The following PRUNE2 variants were observed in gnomAD, a reference collection of about 807,000 sequenced individuals.
PRUNE2 encodes protein prune homolog 2.
A neutral mutation model predicts 252.0 loss-of-function variants in PRUNE2; 164 were observed. That is an observed-to-expected ratio of 0.65 (90% CI 0.57 to 0.74). The LOEUF is 0.74. Among genes scored for constraint, PRUNE2 ranks in the 30% least tolerant of loss-of-function variants. PRUNE2 has a pLI of 0.00. For synonymous variants in PRUNE2, 1,292 were observed against 1,350.2 expected, an observed-to-expected ratio of 0.96 and a Z score of 0.94; for missense variants, 3,495 against 3,711.0, an observed-to-expected ratio of 0.94 and a Z score of 1.51.
At position 76,711,373 on chromosome 9, in the gene PRUNE2, A is replaced by G; in HGVS notation, c.916-15T>C. 1 of 1,586,336 alleles carries G rather than the reference A, an allele frequency of 6.3e-7. No homozygotes were observed. The highest frequency in any genetic ancestry group is 8.6e-7 in the Non-Finnish European group (1 of 1,162,568). ...TCACAGCAAATCTGTCGGAAGGCAC[A>G]GGAATTTGTGTCAGCACTCAAGCAC... is the stretch of plus-strand genomic sequence containing the variant. On this transcript the variant is annotated splice_polypyrimidine_tract_variant and intron_variant, in intron 7 of 18. Transcript: ENST00000376718.
intron 5 of PRUNE2, 44 bp from the exon 6 acceptor site, chr9:76,823,770 ATT>A: frequency 4.5e-6 from 5 of 1,114,636 alleles, no homozygotes; most frequent in African/African-American, 1.6e-5. Flanking sequence ...TACTTGAGGG[ATT>A]TTTTTTTTGT....
intron 4 of PRUNE2, among the ~76,000 whole-genome samples, chr9:76,840,038 G>A (rs778394682): frequency 1.1e-4 from 17 of 152,372 alleles, no homozygotes; most frequent in Middle Eastern, 3.4e-3. Context: ...AAGATGTAAC[G>A]TGGGCTTGGA....
At chr9:76,721,107 T>A (rs1380609093) in intron 6 of PRUNE2, among the ~76,000 whole-genome samples, 2 of 152,172 alleles carry the variant, frequency 1.3e-5, no homozygotes, top group African/African-American at 4.8e-5. Flanking sequence ...GTCTAAAAGA[T>A]GTAAGGTATA....
chr9:76,735,661 G>T (rs2049012871), intron 6 of PRUNE2, among the ~76,000 whole-genome samples: 1 of 152,036 alleles, frequency 6.6e-6, no homozygotes, highest in Non-Finnish European at 1.5e-5. Flanking sequence ...CATATGCAAA[G>T]AATCAAAACT....
chr9:76,853,835 C>G (rs116103618), intron 2 of PRUNE2, among the ~76,000 whole-genome samples: 1 of 152,116 alleles, frequency 6.6e-6, no homozygotes, highest in Admixed American at 6.5e-5. Flanking sequence ...ATTATGAACA[C>G]TTTAAATGTT....
chr9:76,686,481 G>T (rs2044105836), intron 9 of PRUNE2, among the ~76,000 whole-genome samples: 1 of 151,936 alleles, frequency 6.6e-6, no homozygotes, highest in Admixed American at 6.6e-5. Flanking sequence ...TTTGTGACAG[G>T]GTCTCACTCT....
At chr9:76,755,821 CCCG>C (rs1191222827) in intron 6 of PRUNE2, among the ~76,000 whole-genome samples, 1 of 152,130 alleles carries the variant, frequency 6.6e-6, no homozygotes, top group Non-Finnish European at 1.5e-5. Flanking sequence ...CTCGCTTCAG[CCCG>C]CCAAGTAGCT....
chr9:76,880,205 G>A (rs1036565999), intron 1 of PRUNE2, among the ~76,000 whole-genome samples: 3 of 151,438 alleles, frequency 2.0e-5, no homozygotes, highest in Non-Finnish European at 4.4e-5. Flanking sequence ...GAGCCACCAT[G>A]CCTGGCCAGA....
Position 76,612,096 on chromosome 9 carries a change from T to C in PRUNE2, c.*2474A>G, listed in dbSNP as rs1827619009. ...TTGGGGTGAATGTACATGGTAGCTT[T>C]TCCCTAGCACATGCAATTAAATTAA... On this transcript the variant is annotated 3_prime_UTR_variant, in exon 19 of 19. Coordinates refer to ENST00000376718, the MANE Select transcript of PRUNE2 (RefSeq NM_015225.3). 6.6e-6 allele frequency: 1 copy of C among 152,272 alleles called. No individual in the cohort carries two copies. Among genetic ancestry groups the C allele is most frequent in the African/African-American group, 2.4e-5 (1 of 41,448 alleles). The allele number at this position is 152,272 out of a possible 1,614,324, so 9.4% of individuals were successfully genotyped here. A position where few individuals can be genotyped will look rare whatever the true frequency, so the allele number is the denominator to read the frequency against.
At position 76,882,077 on chromosome 9, in the gene PRUNE2, TATTCTTTCA is replaced by T. The variant is rs1338925867; in HGVS notation, c.36+23842_36+23850del. On this transcript the variant is annotated intron_variant, in intron 1 of 18. Coordinates refer to ENST00000376718, the MANE Select transcript of PRUNE2 (RefSeq NM_015225.3). Reference sequence around the variant, plus strand: ...TATTTTTAATTTATTAATCTTCACCTATTCTTTCAAGGGTAAATGTGATTTCTGGTAAGA... The same window carrying T: ...TATTTTTAATTTATTAATCTTCACCTAGGGTAAATGTGATTTCTGGTAAGA... Among the ~76,000 whole-genome samples, 30 of 152,168 alleles carry T rather than the reference TATTCTTTCA, an allele frequency of 2.0e-4. 1 individual carries two copies. Among genetic ancestry groups the T allele is most frequent in the Admixed American group, 6.5e-4 (10 of 15,270 alleles).
At chr9:76,645,666 T>C (rs959242563) in intron 11 of PRUNE2, among the ~76,000 whole-genome samples, 2 of 152,190 alleles carry the variant, frequency 1.3e-5, no homozygotes, top group African/African-American at 4.8e-5. Context: ...TAACCATTTT[T>C]ATTAAAAAAA....
In PRUNE2 at chr9:76,709,223, C is replaced by T. The variant is rs2046532628; in HGVS notation, c.3051G>A (p.Gln1017=). The change falls in exon 8 of 19, where the codon CAG becomes CAA. Residue 1017 remains glutamine, a synonymous_variant. Coordinates refer to ENST00000376718, the MANE Select transcript of PRUNE2 (RefSeq NM_015225.3). ...CTGAACTGATTCGATTTCGAGATGA[C>T]TGTTGCAGTGACTGAGGAGGAATGT... ...ETDIPPQSLQ[Q]SSRNRISSGP... 1 of 1,613,712 alleles carries T rather than the reference C, an allele frequency of 6.2e-7. No individual in the cohort carries two copies. Among genetic ancestry groups the T allele is most frequent in the Non-Finnish European group, 8.5e-7 (1 of 1,179,836 alleles).
intron 9 of PRUNE2, among the ~76,000 whole-genome samples, chr9:76,670,225 A>G (rs1404080410): frequency 2.6e-5 from 4 of 152,178 alleles, no homozygotes; most frequent in Non-Finnish European, 5.9e-5. Flanking sequence ...AGGGCGAGGC[A>G]TTGCCTCCCT....
chr9:76,877,303 G>C (rs545204429), intron 1 of PRUNE2, among the ~76,000 whole-genome samples: 1 of 151,920 alleles, frequency 6.6e-6, no homozygotes, highest in Non-Finnish European at 1.5e-5. Flanking sequence ...TCAGGAGTTC[G>C]AGACCAGCCT....
chr9:76,765,053 A>T (rs2052185093), intron 6 of PRUNE2, among the ~76,000 whole-genome samples: 1 of 152,200 alleles, frequency 6.6e-6, no homozygotes, highest in Non-Finnish European at 1.5e-5. Flanking sequence ...AAATGGAGAT[A>T]TCAAGCAGGC....
chr9:76,871,841 C>T (rs994328589), intron 1 of PRUNE2, among the ~76,000 whole-genome samples: 4 of 152,106 alleles, frequency 2.6e-5, no homozygotes, highest in African/African-American at 9.7e-5. Flanking sequence ...GTTGCCCAGA[C>T]TGGTCTCAAA....
intron 17 of PRUNE2, among the ~76,000 whole-genome samples, chr9:76,622,012 C>G (rs535126995): frequency 1.3e-5 from 2 of 152,256 alleles, no homozygotes; most frequent in East Asian, 3.9e-4. Context: ...AGGCTCCACT[C>G]TAGAGCTGCT....
chr9:76,746,582 G>A (rs1053641800), intron 6 of PRUNE2, among the ~76,000 whole-genome samples: 1 of 151,638 alleles, frequency 6.6e-6, no homozygotes, highest in Non-Finnish European at 1.5e-5. Context: ...GCGGGCGCCT[G>A]TAGTCCCAGC....
intron 16 of PRUNE2, among the ~76,000 whole-genome samples, chr9:76,625,707 G>A (rs1834382977): frequency 6.6e-6 from 1 of 152,190 alleles, no homozygotes; most frequent in Non-Finnish European, 1.5e-5. Flanking sequence ...CATGTGCAGA[G>A]TGGAGAAAAA....
Sources: allele counts gnomAD v4.1 joint callset (sites outside exome capture counted in the v4.1 genomes callset), GRCh38; gene constraint gnomAD v4.1.1; transcripts MANE v1.5; gene names NCBI Gene and HGNC (gene_info 2026-07-23, HGNC 2026-07-21).